ANK3: variants seen among roughly 807,000 people sequenced by gnomAD.
ANK3 encodes ankyrin-3.
ANK3 carries 57 observed loss-of-function variants against 370.9 expected under a neutral mutation model. The observed-to-expected ratio is 0.15, with a 90% CI of 0.12 to 0.19. The LOEUF (loss-of-function observed/expected upper bound fraction) is 0.19, where lower values mean the gene tolerates loss of function less well. Among genes scored for constraint, ANK3 ranks in the 10% least tolerant of loss-of-function variants. The pLI, the probability that ANK3 is intolerant of heterozygous loss-of-function variation, is 1.00. For missense variants in ANK3, 4,439 were observed against 5,302.1 expected (o/e 0.84, Z 5.06); for synonymous variants, 1,929 against 1,946.3 (o/e 0.99, Z 0.23).
At chr10:60,590,166 TTTAG>T (rs1358180112) in intron 2 of ANK3, among the ~76,000 whole-genome samples, 1 of 152,192 alleles carries the variant, frequency 6.6e-6, no homozygotes, top group Non-Finnish European at 1.5e-5. Flanking sequence ...AGTAACATAA[TTTAG>T]CCCTGCCCTA....
At chr10:60,511,742 G>T (rs1240248628) in intron 2 of ANK3, among the ~76,000 whole-genome samples, 1 of 151,078 alleles carries the variant, frequency 6.6e-6, no homozygotes, top group Non-Finnish European at 1.5e-5. Context: ...AAGAACTCCT[G>T]CTTCCCCCAC....
intron 23 of ANK3, among the ~76,000 whole-genome samples, chr10:60,153,308 T>C (rs2095218539): frequency 6.6e-6 from 1 of 152,176 alleles, no homozygotes; most frequent in African/African-American, 2.4e-5. Context: ...AGAGAAGAAC[T>C]GGAGATCTGT....
At chr10:60,663,471 C>A (rs2078960625) in intron 1 of ANK3, among the ~76,000 whole-genome samples, 1 of 150,676 alleles carries the variant, frequency 6.6e-6, no homozygotes, top group African/African-American at 2.5e-5. Context: ...GCTATGACTT[C>A]CTCACATCTG....
chr10:60,332,441 T>C (rs1407096306), intron 1 of ANK3, among the ~76,000 whole-genome samples: 2 of 152,230 alleles, frequency 1.3e-5, no homozygotes, highest in Admixed American at 1.3e-4. Context: ...TTGGCGCCAC[T>C]GTTCTGATGT....
chr10:60,374,706 T>C (rs2060532991), intron 1 of ANK3, among the ~76,000 whole-genome samples: 1 of 152,030 alleles, frequency 6.6e-6, no homozygotes, highest in Non-Finnish European at 1.5e-5. Context: ...AAGAACACTG[T>C]GGGTTTAGGA....
intron 1 of ANK3, among the ~76,000 whole-genome samples, chr10:60,714,890 T>C (rs1213189176): frequency 6.6e-6 from 1 of 152,158 alleles, no homozygotes; most frequent in African/African-American, 2.4e-5. Context: ...TTATTTAGCA[T>C]AATACCATCA....
chr10:60,396,792 C>T (rs1023480188), intron 2 of ANK3, among the ~76,000 whole-genome samples: 9 of 152,156 alleles, frequency 5.9e-5, no homozygotes, highest in African/African-American at 9.7e-5. Flanking sequence ...CCAACTTTGT[C>T]GCTAAGTAGC....
intron 2 of ANK3, among the ~76,000 whole-genome samples, chr10:60,436,031 T>C (rs1193481195): frequency 6.7e-6 from 1 of 150,334 alleles, no homozygotes; most frequent in African/African-American, 2.4e-5. Context: ...GAGCTTGCAG[T>C]GAGCGGAGAT....
At chr10:60,254,440 C>T (rs1371957744) in intron 7 of ANK3, among the ~76,000 whole-genome samples, 1 of 152,322 alleles carries the variant, frequency 6.6e-6, no homozygotes, top group South Asian at 2.1e-4. Context: ...CTCACCTCCT[C>T]TCCATGCTCC....
chr10:60,286,343 A>C (rs983139356), intron 1 of ANK3, among the ~76,000 whole-genome samples: 18 of 152,186 alleles, frequency 1.2e-4, no homozygotes, highest in African/African-American at 3.4e-4. Context: ...GTAAAATTAT[A>C]TATTATGTAT....
chr10:60,090,549 C>T (rs1048865449), intron 28 of ANK3, among the ~76,000 whole-genome samples: 1 of 152,022 alleles, frequency 6.6e-6, no homozygotes, highest in Admixed American at 6.6e-5. Context: ...GATTAATATG[C>T]TCAATACCAA....
chr10:60,547,680 G>A (rs76834346), intron 2 of ANK3, among the ~76,000 whole-genome samples: 1 of 151,880 alleles, frequency 6.6e-6, no homozygotes, highest in East Asian at 1.9e-4. Context: ...GACAGAGAGA[G>A]AGAGACAGAG....
chr10:60,028,264 T>C lies in ANK3; in HGVS notation c.*1582A>G, dbSNP rs2072534492. 1 of 152,540 alleles carries C rather than the reference T, an allele frequency of 6.6e-6. No individual in the cohort carries two copies. The highest frequency in any genetic ancestry group is 2.4e-5 in the African/African-American group (1 of 41,434). The allele number at this position is 152,540 out of a possible 1,614,324, so 9.4% of individuals were successfully genotyped here. A position where few individuals can be genotyped will look rare whatever the true frequency, so the allele number is the denominator to read the frequency against. ...AAGCTGGGAGCTTGCAGGGCACATA[T>C]GAATGTTAGAGATTATCTCTTCAGT... On this transcript the variant is annotated 3_prime_UTR_variant, in exon 44 of 44. Transcript: ENST00000280772.
intron 4 of ANK3, 120 bp downstream of exon 4, chr10:60,278,654 T>A (rs2098122401): frequency 1.2e-6 from 1 of 832,136 alleles, no homozygotes. Context: ...TATAACTTTT[T>A]AAATATAGTT....
upstream of ANK3, among the ~76,000 whole-genome samples, chr10:60,393,841 A>C (rs2063161558): frequency 6.6e-6 from 1 of 152,114 alleles, no homozygotes; most frequent in South Asian, 2.1e-4. Context: ...AAGTTACAAG[A>C]GCTGTGCACA....
chr10:60,481,810 G>T (rs754181996), intron 2 of ANK3, among the ~76,000 whole-genome samples: 4 of 152,112 alleles, frequency 2.6e-5, no homozygotes, highest in Non-Finnish European at 5.9e-5. Flanking sequence ...AGCAAAAGCC[G>T]TCATACCATA....
Position 60,264,102 on chromosome 10 carries a change from G to A in ANK3, c.514-82C>T. 2.5e-6 allele frequency: 3 copies of A among 1,187,410 alleles called. No individual in the cohort carries two copies. The South Asian group carries it at 4.9e-5, about 19-fold the overall frequency. 73.6% of individuals were successfully genotyped at this position (1,187,410 alleles called of 1,614,324 possible). A position where few individuals can be genotyped will look rare whatever the true frequency, so the allele number is the denominator to read the frequency against. ...AATTAACAAATAAGAAGGCAACCAA[G>A]TGACCAAGCATCAATTTTTGTTTGG... On this transcript the variant is annotated intron_variant, in intron 5 of 43. Coordinates refer to ENST00000280772, the MANE Select transcript of ANK3 (RefSeq NM_020987.5).
chr10:60,525,478 G>A (rs750168707), intron 2 of ANK3, among the ~76,000 whole-genome samples: 5 of 152,012 alleles, frequency 3.3e-5, no homozygotes, highest in Non-Finnish European at 7.4e-5. Context: ...AAGAGAACAC[G>A]GTATTTAAAT....
chr10:60,099,372 C>A (rs1431666672), intron 28 of ANK3, among the ~76,000 whole-genome samples: 1 of 152,208 alleles, frequency 6.6e-6, no homozygotes, highest in Non-Finnish European at 1.5e-5. Context: ...GTCAACAAGT[C>A]AGAGTTGGTC....
Sources: allele counts gnomAD v4.1 joint callset (sites outside exome capture counted in the v4.1 genomes callset), GRCh38; gene constraint gnomAD v4.1.1; transcripts MANE v1.5; gene names NCBI Gene and HGNC (gene_info 2026-07-23, HGNC 2026-07-21).